The following GLDC variants were observed in gnomAD, a reference collection of about 807,000 sequenced individuals.
GLDC encodes glycine dehydrogenase (decarboxylating), mitochondrial.
Under a neutral mutation model 121.3 loss-of-function variants are expected in GLDC, and 104 were observed. The ratio of observed to expected loss-of-function variants is 0.86; its 90% confidence interval spans 0.73 to 1.01. The LOEUF is 1.01. GLDC is among the 50% of genes least tolerant of loss of function. GLDC has a pLI of 0.00. For synonymous variants in GLDC, 546 were observed against 480.6 expected (o/e 1.14, Z -1.78); for missense variants, 1,429 against 1,306.6 (o/e 1.09, Z -1.44).
In GLDC at chr9:6,554,750, G is replaced by C. The variant is rs1398537221; in HGVS notation, c.2234C>G (p.Ser745Cys). ...GTGAAGATTTAGGTGCGAGACATCAGACCCGAAGTCTCCAGGGCGACAGAT... is the reference window on the plus strand; with the variant it reads ...GTGAAGATTTAGGTGCGAGACATCACACCCGAAGTCTCCAGGGCGACAGAT... ...VGICRPGDFG[S>C]DVSHLNLHKT... The change falls in exon 19 of 25, where the codon TCT (serine) becomes TGT (cysteine). Residue 745 changes from serine (S) to cysteine (C), a missense_variant. Ser to Cys is a moderately radical substitution (Grantham distance 112, BLOSUM62 -1). Coordinates refer to ENST00000321612, the MANE Select transcript of GLDC (RefSeq NM_000170.3). 6.2e-7 allele frequency: 1 copy of C among 1,613,518 alleles called. No individual in the cohort carries two copies. The highest frequency in any genetic ancestry group is 8.5e-7 in the Non-Finnish European group (1 of 1,179,876).
In GLDC at chr9:6,606,721, A is replaced by G. The variant is rs376775190; in HGVS notation, c.636-52T>C. The G allele has an allele frequency of 2.6e-5, 26 of 1,015,166 alleles. No homozygotes were observed. In the African/African-American group the frequency reaches 4.0e-4, roughly 16 times the overall value. 62.9% of individuals were successfully genotyped at this position (1,015,166 alleles called of 1,614,324 possible). A position where few individuals can be genotyped will look rare whatever the true frequency, so the allele number is the denominator to read the frequency against. On this transcript the variant is annotated intron_variant, in intron 4 of 24. Transcript: ENST00000321612. ...ACGTGAACATTAAATAAATAGGACT[A>G]TCTTCTAAGAACGCAAAGCAAACAT...
intron 8 of GLDC, 46 bp from the exon 9 acceptor site, chr9:6,595,165 A>G (rs1455619288): frequency 8.3e-7 from 1 of 1,208,066 alleles, no homozygotes; most frequent in Admixed American, 1.7e-5. Flanking sequence ...GAGGACAATT[A>G]GTGGGAGGGT....
At chr9:6,539,938 T>A (rs1817220096) in intron 22 of GLDC, 113 bp downstream of exon 22, 2 of 793,222 alleles carry the variant, frequency 2.5e-6, no homozygotes, top group South Asian at 2.7e-5. Context: ...AACCCTGAGC[T>A]CCCCATTTAT....
chr9:6,579,611 A>G (rs549768744), intron 15 of GLDC, among the ~76,000 whole-genome samples: 2 of 152,232 alleles, frequency 1.3e-5, no homozygotes, highest in South Asian at 4.1e-4. Context: ...CTCCTATCTC[A>G]GCCTCCCAAA....
At chr9:6,598,392 T>C (rs1424040751) in intron 8 of GLDC, among the ~76,000 whole-genome samples, 2 of 152,102 alleles carry the variant, frequency 1.3e-5, no homozygotes, top group Admixed American at 6.5e-5. Context: ...AGACTCCCTA[T>C]AGAAAAATTT....
chr9:6,551,073 C>T (rs1817506275), intron 20 of GLDC, among the ~76,000 whole-genome samples, 159 bp from the exon 21 acceptor site: 1 of 152,230 alleles, frequency 6.6e-6, no homozygotes, highest in African/African-American at 2.4e-5. Context: ...ACAAGGATAT[C>T]TGTCAGATCC....
intron 8 of GLDC, among the ~76,000 whole-genome samples, chr9:6,596,134 G>GA (rs1257768429): frequency 6.6e-6 from 1 of 152,174 alleles, no homozygotes; most frequent in African/African-American, 2.4e-5. Flanking sequence ...CTGAGGTAAA[G>GA]AATCTGTGAC....
rs148373517 is a variant in GLDC, at chr9:6,645,278, G to A, written c.222C>T (p.Asp74=). The A allele has an allele frequency of 1.8e-4, 288 of 1,604,580 alleles. 2 individuals are homozygous for A. The African/African-American group carries it at 3.5e-3, about 19-fold the overall frequency. The change falls in exon 1 of 25, where the codon GAC becomes GAT. Residue 74 remains aspartate (D), a synonymous_variant. Coordinates refer to ENST00000321612, the MANE Select transcript of GLDC (RefSeq NM_000170.3). Reference sequence around the variant, plus strand: ...CCAAGGTCTGCAGCATCTCTCTCTGGTCTTTGTCCCCAGGGCCGATGTGCC... The same window carrying A: ...CCAAGGTCTGCAGCATCTCTCTCTGATCTTTGTCCCCAGGGCCGATGTGCC... ...ARRHIGPGDK[D]QREMLQTLGL... is the part of the protein sequence containing the mutation.
intron 3 of GLDC, among the ~76,000 whole-genome samples, chr9:6,615,257 A>G (rs1818945011): frequency 6.6e-6 from 1 of 152,050 alleles, no homozygotes; most frequent in Non-Finnish European, 1.5e-5. Flanking sequence ...AACTTTTAAA[A>G]TCCCTAGCTT....
Position 6,639,668 on chromosome 9 carries a change from A to AAAATATATATATATATAT in GLDC, c.334+4945_334+4946insATATATATATATATATTT. On this transcript the variant is annotated intron_variant, in intron 2 of 24. Transcript: ENST00000321612. ...ATATATCTTTTCACCATAAAAAAAAAGTATATATATATATATATATGGACA... is the reference window on the plus strand; with the variant it reads ...ATATATCTTTTCACCATAAAAAAAAAAAATATATATATATATATGTATATATATATATATATATGGACA... The AAAATATATATATATATAT allele has an allele frequency of 8.7e-3, 2,187 of 250,070 alleles. 28 individuals are homozygous for AAAATATATATATATATAT. The highest frequency in any genetic ancestry group is 0.015 in the African/African-American group (297 of 19,228). 15.5% of individuals were successfully genotyped at this position (250,070 alleles called of 1,614,324 possible).
intron 14 of GLDC, among the ~76,000 whole-genome samples, chr9:6,587,771 C>G (rs1343094050): frequency 1.3e-5 from 2 of 152,064 alleles, no homozygotes; most frequent in African/African-American, 4.8e-5. Flanking sequence ...TGAGATCAGA[C>G]TGGCAAACAC....
At chr9:6,558,033 C>G in intron 17 of GLDC, 1 of 217,372 alleles carries the variant, frequency 4.6e-6, no homozygotes, top group Non-Finnish European at 9.2e-6. Context: ...TTCCTTCCCG[C>G]TTAAGATGCA....
chr9:6,556,086 A>T (rs1206228093), intron 18 of GLDC, 67 bp downstream of exon 18: 10 of 1,089,004 alleles, frequency 9.2e-6, no homozygotes, highest in African/African-American at 1.6e-5. Flanking sequence ...AGAAGTCAGA[A>T]TTTTTTTTTT....
chr9:6,543,264 G>C (rs1329918943), intron 21 of GLDC, among the ~76,000 whole-genome samples: 1 of 152,152 alleles, frequency 6.6e-6, no homozygotes, highest in South Asian at 2.1e-4. Context: ...AATAAAGCAA[G>C]ACCGTCTCTT....
intron 3 of GLDC, among the ~76,000 whole-genome samples, chr9:6,610,998 C>G (rs4629927): frequency 0.36 from 55,426 of 152,146 alleles, 10,402 homozygotes; most frequent in Middle Eastern, 0.46. Flanking sequence ...ATCCAAGAAT[C>G]TAACATGTAA....
intron 2 of GLDC, among the ~76,000 whole-genome samples, chr9:6,629,958 T>TGTATATATATATGTATATATATATATG: frequency 1.3e-5 from 1 of 78,680 alleles, no homozygotes; most frequent in Admixed American, 1.3e-4. Context: ...TATATATATA[T>TGTATATATATATGTATATATATATATG]TTTTTTTTTT....
At chr9:6,576,852 T>A (rs755400864) in intron 15 of GLDC, among the ~76,000 whole-genome samples, 6 of 152,242 alleles carry the variant, frequency 3.9e-5, no homozygotes, top group Non-Finnish European at 8.8e-5. Flanking sequence ...TGATCCATAT[T>A]GACTGTCTAT....
rs1195606936 is a variant in GLDC at position 6,589,266 on chromosome 9, C to A, written c.1509G>T (p.Glu503Asp). The A allele has an allele frequency of 1.9e-6, 3 of 1,609,044 alleles. No individual in the cohort carries two copies. The South Asian group carries it at 3.3e-5, about 18-fold the overall frequency. ...CAGACCCTGGAATACCTCTGCACTC[C>A]TCTCCCATGCTTTCAGCAACCAGTT... is the stretch of plus-strand genomic sequence containing the variant. ...SAELVAESMG[E>D]ECRGIPGSVF... Residue 503 changes from glutamate (E) to aspartate (D), a missense_variant, in exon 12 of 25, where the codon GAG becomes GAT. Physicochemically the swap from Glu to Asp is conservative, Grantham distance 45. Coordinates refer to ENST00000321612, the MANE Select transcript of GLDC (RefSeq NM_000170.3).
In GLDC at chr9:6,605,129, A is replaced by G; in HGVS notation, c.861+2T>C. On this transcript the variant is annotated splice_donor_variant, in intron 6 of 24. Transcript: ENST00000321612. LOFTEE classifies it high-confidence loss of function. Reference sequence around the variant, plus strand: ...GACCCCCCACAAGAAAGGTATACCTACCCCACTCTGATGAGCTCTCTCCAC... The same window carrying G: ...GACCCCCCACAAGAAAGGTATACCTGCCCCACTCTGATGAGCTCTCTCCAC... The G allele has an allele frequency of 2.5e-6, 4 of 1,612,056 alleles. No homozygotes were observed. Among genetic ancestry groups the G allele is most frequent in the Non-Finnish European group, 3.4e-6 (4 of 1,179,766 alleles).
Sources: gnomAD v4.1 joint callset for allele counts (sites outside exome capture counted in the v4.1 genomes callset) on GRCh38, gnomAD v4.1.1 for gene constraint, MANE v1.5 for transcripts, NCBI Gene and HGNC (gene_info 2026-07-23, HGNC 2026-07-21) for gene names.